The following STYXL1 variants were observed in gnomAD, a reference collection of about 807,000 sequenced individuals.
STYXL1 encodes the protein serine/threonine/tyrosine interacting like 1.
STYXL1 carries 32 observed loss-of-function variants against 36.4 expected under a neutral mutation model. The ratio of observed to expected loss-of-function variants is 0.88; its 90% CI spans 0.66 to 1.18. STYXL1 has a LOEUF of 1.18. Ranked by LOEUF, STYXL1 falls within the 50% of genes most tolerant of loss-of-function variation. The probability of loss-of-function intolerance (pLI) is 0.00; values close to 1 mark genes in which losing one functional copy is unlikely to be tolerated. For synonymous variants in STYXL1, 133 were observed against 144.1 expected (o/e 0.92, Z 0.55); for missense variants, 354 against 394.1 (o/e 0.90, Z 0.86).
chr7:76,027,926 C>A (rs2116249780), intron 3 of STYXL1, among the ~76,000 whole-genome samples: 1 of 152,150 alleles, frequency 6.6e-6, no homozygotes, highest in East Asian at 1.9e-4. Context: ...CAACACAGTG[C>A]AACCCCATTT....
intron 5 of STYXL1, among the ~76,000 whole-genome samples, chr7:76,011,739 A>G (rs1554572268): frequency 6.6e-6 from 1 of 152,196 alleles, no homozygotes; most frequent in East Asian, 1.9e-4. Context: ...AGCCTTAGAC[A>G]ACTCCACCCA....
chr7:76,013,641 T>C (rs1554572884), intron 5 of STYXL1, 101 bp downstream of exon 5: 4 of 1,537,032 alleles, frequency 2.6e-6, no homozygotes, highest in African/African-American at 2.7e-5. Flanking sequence ...CTCTATATCC[T>C]CTGTCCCATC....
chr7:76,022,429 G>A (rs1267019874), intron 3 of STYXL1, among the ~76,000 whole-genome samples: 5 of 151,998 alleles, frequency 3.3e-5, no homozygotes, highest in Non-Finnish European at 5.9e-5. Flanking sequence ...GGAGGCCAAG[G>A]CAGGAGGATT....
intron 5 of STYXL1, among the ~76,000 whole-genome samples, chr7:76,008,277 T>G (rs1473639867): frequency 6.6e-6 from 1 of 150,606 alleles, no homozygotes; most frequent in East Asian, 2.0e-4. Context: ...ACTGGATAAC[T>G]TGATGTTTCC....
chr7:76,033,418 T>C (rs1161966655), intron 1 of STYXL1, among the ~76,000 whole-genome samples: 1 of 152,190 alleles, frequency 6.6e-6, no homozygotes, highest in African/African-American at 2.4e-5. Flanking sequence ...AGTGCTGGCA[T>C]GACAGGTGTG....
At chr7:76,042,436 A>C (rs1796570809) in intron 1 of STYXL1, among the ~76,000 whole-genome samples, 1 of 88,774 alleles carries the variant, frequency 1.1e-5, no homozygotes. Flanking sequence ...ATGGAGTCTC[A>C]TTCTGTCACC....
intron 4 of STYXL1, among the ~76,000 whole-genome samples, chr7:76,014,916 A>C (rs1350374546): frequency 6.6e-6 from 1 of 152,126 alleles, no homozygotes; most frequent in African/African-American, 2.4e-5. Context: ...AAAGCCACAC[A>C]CCTATAACCA....
chr7:76,034,981 C>T (rs1268046998), intron 1 of STYXL1, among the ~76,000 whole-genome samples: 1 of 130,648 alleles, frequency 7.7e-6, no homozygotes, highest in South Asian at 2.8e-4. Context: ...GTAAATACAG[C>T]ATGGCCGAAA....
chr7:76,034,822 G>A (rs950454545), intron 1 of STYXL1, among the ~76,000 whole-genome samples: 7 of 152,158 alleles, frequency 4.6e-5, no homozygotes, highest in Admixed American at 2.0e-4. Context: ...AAGATCACCC[G>A]TAGCTGAGGA....
intron 2 of STYXL1, 96 bp downstream of exon 2, chr7:76,030,325 A>T: frequency 1.2e-6 from 1 of 856,000 alleles, no homozygotes; most frequent in Non-Finnish European, 1.9e-6. Context: ...AAAGTCATTC[A>T]CTGCCCCCCA....
intron 1 of STYXL1, chr7:76,045,285 G>T (rs1585367475): frequency 6.6e-6 from 1 of 152,050 alleles, no homozygotes; most frequent in African/African-American, 2.4e-5. Context: ...CCATAAAATA[G>T]ATTCCTAAAC....
At chr7:76,013,044 G>A (rs530028144) in intron 5 of STYXL1, among the ~76,000 whole-genome samples, 2 of 152,184 alleles carry the variant, frequency 1.3e-5, no homozygotes, top group Non-Finnish European at 1.5e-5. Flanking sequence ...AAGAACTGTG[G>A]CCGGGCAGGA....
At chr7:76,017,303 A>G (rs1168102014) in intron 4 of STYXL1, among the ~76,000 whole-genome samples, 1 of 152,048 alleles carries the variant, frequency 6.6e-6, no homozygotes, top group Non-Finnish European at 1.5e-5. Flanking sequence ...GATTACAGGC[A>G]TGAGCCACCG....
intron 7 of STYXL1, 34 bp downstream of exon 7, chr7:76,003,724 G>C (rs781964101): frequency 1.9e-6 from 3 of 1,597,644 alleles, no homozygotes; most frequent in South Asian, 2.2e-5. Context: ...CCAGACACAG[G>C]CCAGTTGCTA....
At position 76,039,827 on chromosome 7, in the gene STYXL1, T is replaced by C. The variant is rs181480607; in HGVS notation, c.-5+7835A>G. Reference sequence around the variant, plus strand: ...CATGACAGGCTAATTTTTGTATTTTTATAGAGACGGGGTTTCACCACGTTG... The same window carrying C: ...CATGACAGGCTAATTTTTGTATTTTCATAGAGACGGGGTTTCACCACGTTG... On this transcript the variant is annotated intron_variant, in intron 1 of 8. Transcript: ENST00000359697. 3.4e-4 allele frequency among the ~76,000 whole-genome samples: 52 copies of C among 152,192 alleles called. No homozygotes were observed. The East Asian group carries it at 9.9e-3, about 29-fold the overall frequency.
At chr7:76,028,145 A>T (rs1380648838) in intron 3 of STYXL1, among the ~76,000 whole-genome samples, 6 of 152,060 alleles carry the variant, frequency 3.9e-5, no homozygotes, top group Admixed American at 3.9e-4. Flanking sequence ...AGCGATTCTC[A>T]TGTCTCAGCC....
intron 5 of STYXL1, among the ~76,000 whole-genome samples, chr7:76,007,799 T>C (rs547282630): frequency 6.6e-6 from 1 of 150,732 alleles, no homozygotes; most frequent in Non-Finnish European, 1.5e-5. Context: ...CACATGGCTG[T>C]ACTCCCGGCT....
intron 4 of STYXL1, among the ~76,000 whole-genome samples, chr7:76,018,873 A>G (rs1003866312): frequency 6.6e-6 from 1 of 152,210 alleles, no homozygotes; most frequent in Non-Finnish European, 1.5e-5. Flanking sequence ...TTTGGGGTCT[A>G]TATCTTAACC....
At chr7:76,005,183 AAAAATAAAT>A in intron 6 of STYXL1, 67 bp downstream of exon 6, 2 of 942,968 alleles carry the variant, frequency 2.1e-6, no homozygotes, top group African/African-American at 3.5e-5. Context: ...TAAAATTAAA[AAAAATAAAT>A]AAAATAAATT....
Sources: allele counts gnomAD v4.1 joint callset (sites outside exome capture counted in the v4.1 genomes callset), GRCh38; gene constraint gnomAD v4.1.1; transcripts MANE v1.5; gene names NCBI Gene and HGNC (gene_info 2026-07-23, HGNC 2026-07-21).